The following PDE4A variants were observed in gnomAD, a reference collection of about 807,000 sequenced individuals.
PDE4A encodes 3',5'-cyclic-AMP phosphodiesterase 4A.
Under a neutral mutation model 73.9 loss-of-function variants are expected in PDE4A, and 21 were observed. The ratio of observed to expected loss-of-function variants is 0.28; its 90% CI spans 0.20 to 0.41. PDE4A has a LOEUF of 0.41. Among genes scored for constraint, PDE4A ranks in the 10% least tolerant of loss-of-function variants. The pLI is 1.00. For synonymous variants in PDE4A, 463 were observed against 505.4 expected (o/e 0.92, Z 1.13); for missense variants, 958 against 1,211.4 (o/e 0.79, Z 3.10).
upstream of PDE4A, chr19:10,420,313 T>C (rs2042631437): frequency 4.4e-6 from 4 of 900,962 alleles, no homozygotes; most frequent in Non-Finnish European, 4.0e-6. This position sits in a 1 kb window ranked among gnomAD's most constrained non-coding sequence, Gnocchi z 6.0. Flanking sequence ...GCAGGGTGCT[T>C]TGAAGACAGA....
chr19:10,466,817 T>A, intron 14 of PDE4A, 70 bp from the exon 15 acceptor site: 1 of 1,542,568 alleles, frequency 6.5e-7, no homozygotes, highest in Non-Finnish European at 8.7e-7. Context: ...TTCATTTCAT[T>A]AGCTCCCATA....
At position 10,459,461 on chromosome 19, in the gene PDE4A, G is replaced by C. The variant is rs1297832650; in HGVS notation, c.1163G>C (p.Gly388Ala). The C allele has an allele frequency of 6.2e-7, 1 of 1,614,088 alleles. No individual in the cohort carries two copies. Among genetic ancestry groups the C allele is most frequent in the Non-Finnish European group, 8.5e-7 (1 of 1,180,028 alleles). ...NIFCVSDYAG[G>A]RSLTCIMYMI... Reference sequence around the variant, plus strand: ...TTTTGCGTGTCGGATTACGCTGGAGGCCGCTCACTCACCTGCATCATGTAC... The same window carrying C: ...TTTTGCGTGTCGGATTACGCTGGAGCCCGCTCACTCACCTGCATCATGTAC... The change falls in exon 9 of 15, where the codon GGC (glycine) becomes GCC (alanine). Residue 388 changes from glycine to alanine, a missense_variant. Gly to Ala is a moderately conservative substitution (Grantham distance 60). Transcript: ENST00000380702.
upstream of PDE4A, among the ~76,000 whole-genome samples, chr19:10,418,053 T>A (rs2042605407): frequency 6.6e-6 from 1 of 152,114 alleles, no homozygotes; most frequent in African/African-American, 2.4e-5. Flanking sequence ...AGGAACCCCT[T>A]ATTTCATTTT....
chr19:10,441,817 AT>A (rs1223011266), intron 1 of PDE4A, among the ~76,000 whole-genome samples: 1 of 150,166 alleles, frequency 6.7e-6, no homozygotes, highest in East Asian at 2.0e-4. Flanking sequence ...AGCCTCCGGA[AT>A]AGCTGGGATT....
Position 10,446,325 on chromosome 19 carries a change from G to A in PDE4A, c.428G>A (p.Arg143Gln). 3 of 1,613,696 alleles carry A rather than the reference G, an allele frequency of 1.9e-6. No homozygotes were observed. Among genetic ancestry groups the A allele is most frequent in the Non-Finnish European group, 2.5e-6 (3 of 1,179,774 alleles). The stretch of plus-strand genomic sequence containing the variant: ...GCCGGGGCGGCCACCAGCCAGCGCC[G>A]GGAGTCCTTCCTGTACCGCTCAGAC... Reference protein sequence around the residue: ...LHAGAATSQRRESFLYRSDSD... With the variant: ...LHAGAATSQRQESFLYRSDSD... Residue 143 changes from arginine (R) to glutamine (Q), a missense_variant, in exon 2 of 15, where the codon CGG becomes CAG. Physicochemically the swap from Arg to Gln is conservative, Grantham distance 43. Transcript: ENST00000380702.
intron 1 of PDE4A, among the ~76,000 whole-genome samples, chr19:10,445,784 A>AC (rs1212669088): frequency 6.6e-6 from 1 of 151,312 alleles, no homozygotes; most frequent in Admixed American, 6.6e-5. Context: ...AAAAAAAAAA[A>AC]AAAATTCTCC....
chr19:10,455,924 C>T (rs375613148), intron 7 of PDE4A, among the ~76,000 whole-genome samples: 2 of 152,212 alleles, frequency 1.3e-5, no homozygotes, highest in East Asian at 1.9e-4. Flanking sequence ...AGTTCTCAAA[C>T]TTAAGGGAAG....
chr19:10,466,801 ATG>A, intron 14 of PDE4A, 84 bp from the exon 15 acceptor site: 1 of 1,527,728 alleles, frequency 6.5e-7, no homozygotes, highest in Non-Finnish European at 8.7e-7. Context: ...GCCCATAAGC[ATG>A]TTTTTCATTT....
chr19:10,420,529 G>C, upstream of PDE4A: 1 of 1,114,072 alleles, frequency 9.0e-7, no homozygotes, highest in Non-Finnish European at 1.1e-6. This position sits in a 1 kb window ranked among gnomAD's most constrained non-coding sequence, Gnocchi z 6.0. Flanking sequence ...GCGGAGCGCG[G>C]AGCGCGGAGA....
At chr19:10,417,493 G>A (rs1462413173), upstream of PDE4A, 4 of 981,060 alleles carry the variant, frequency 4.1e-6, no homozygotes, top group South Asian at 4.7e-5. Flanking sequence ...CCTAAGGGAT[G>A]GCAGGGCACC....
Position 10,458,455 on chromosome 19 carries a change from A to G in PDE4A, c.1101+353A>G, listed in dbSNP as rs1201841529. Among the ~76,000 whole-genome samples the G allele has an allele frequency of 1.3e-5, 2 of 152,104 alleles. No homozygotes were observed. Among genetic ancestry groups the G allele is most frequent in the African/African-American group, 4.8e-5 (2 of 41,430 alleles). On this transcript the variant is annotated intron_variant, in intron 8 of 14. Transcript: ENST00000380702. The surrounding 1 kb of genome is among the most constrained non-coding windows in gnomAD (Gnocchi z 4.6). Reference sequence around the variant, plus strand: ...AGACTGTGCCCCCATAGTGTCCCCAACAGTCCAGACCGGTGTTTCACTCCT... The same window carrying G: ...AGACTGTGCCCCCATAGTGTCCCCAGCAGTCCAGACCGGTGTTTCACTCCT...
chr19:10,452,373 G>A (rs59921884), intron 6 of PDE4A, among the ~76,000 whole-genome samples: 1,549 of 151,738 alleles, frequency 0.01, 30 homozygotes, highest in African/African-American at 0.035. Context: ...GAAGGCGGAG[G>A]TTGTGGTGAG....
At chr19:10,423,057 C>A in intron 1 of PDE4A, 1 of 978,852 alleles carries the variant, frequency 1.0e-6, no homozygotes, top group Non-Finnish European at 1.2e-6. Flanking sequence ...ATGCCAGGGA[C>A]TTTTCCATAT....
chr19:10,440,473 G>T (rs2042922435), intron 1 of PDE4A, among the ~76,000 whole-genome samples: 1 of 152,110 alleles, frequency 6.6e-6, no homozygotes, highest in South Asian at 2.1e-4. Context: ...GCCCAGGCTG[G>T]TGTGCAGTGG....
At chr19:10,435,007 G>C (rs552645661) in intron 1 of PDE4A, among the ~76,000 whole-genome samples, 271 of 151,478 alleles carry the variant, frequency 1.8e-3, no homozygotes, top group Non-Finnish European at 3.1e-3. Context: ...GCTCCAACAG[G>C]CATGAGCCAC....
intron 11 of PDE4A, 187 bp downstream of exon 11, chr19:10,461,290 G>T (rs1450711260): frequency 1.2e-6 from 1 of 822,920 alleles, no homozygotes; most frequent in African/African-American, 2.0e-5. Context: ...AAAGGGGATG[G>T]CCGGGCAGGA....
At chr19:10,428,522 A>G (rs1458577297) in intron 1 of PDE4A, among the ~76,000 whole-genome samples, 2 of 152,226 alleles carry the variant, frequency 1.3e-5, no homozygotes, top group East Asian at 3.8e-4. Context: ...TCTAGCTAGT[A>G]TAGTGATTTG....
chr19:10,461,407 G>T, intron 11 of PDE4A, 119 bp from the exon 12 acceptor site: 1 of 1,532,086 alleles, frequency 6.5e-7, no homozygotes, highest in South Asian at 1.2e-5. Context: ...AGAGCTGACT[G>T]GGCTGGAGGC....
intron 1 of PDE4A, among the ~76,000 whole-genome samples, chr19:10,429,525 A>C (rs1313791094): frequency 6.6e-6 from 1 of 152,036 alleles, no homozygotes; most frequent in Non-Finnish European, 1.5e-5. Context: ...TTTTGTAGAG[A>C]TGGGATCTCG....
Sources: allele counts gnomAD v4.1 joint callset (sites outside exome capture counted in the v4.1 genomes callset), GRCh38; gene constraint gnomAD v4.1.1; non-coding constraint Gnocchi (gnomAD v3.1); transcripts MANE v1.5; gene names NCBI Gene and HGNC (gene_info 2026-07-23, HGNC 2026-07-21).